Variants in MTMR6 observed in about 807,000 individuals in gnomAD.
The protein encoded by MTMR6 is myotubularin related protein 6, also known as phosphatidylinositol-3,5-bisphosphate 3-phosphatase MTMR6.
A neutral mutation model predicts 80.1 loss-of-function variants in MTMR6; 47 were observed. That is an observed-to-expected ratio of 0.59 (90% CI 0.46 to 0.75). The LOEUF is 0.75. Ranked by LOEUF, MTMR6 falls within the 30% of genes least tolerant of loss-of-function variation. The pLI, the probability that MTMR6 is intolerant of heterozygous loss-of-function variation, is 0.00. For synonymous variants in MTMR6, 254 were observed against 253.0 expected, an observed-to-expected ratio of 1.00 and a Z score of -0.04; for missense variants, 629 against 730.9, an observed-to-expected ratio of 0.86 and a Z score of 1.61.
chr13:25,247,503 T>C lies in MTMR6; in HGVS notation c.*1729A>G, dbSNP rs1957003585. 6.6e-6 allele frequency: 1 copy of C among 152,176 alleles called. No individual in the cohort carries two copies. The highest frequency in any genetic ancestry group is 1.5e-5 in the Non-Finnish European group (1 of 67,980). 9.4% of individuals were successfully genotyped at this position (152,176 alleles called of 1,614,324 possible). On this transcript the variant is annotated 3_prime_UTR_variant, in exon 14 of 14. Coordinates refer to ENST00000381801, the MANE Select transcript of MTMR6 (RefSeq NM_004685.5). ...TGAAGATTAAGATAATAAACCAGAG[T>C]TGAATACAAGAAGTCAGCCACAGAA...
intron 1 of MTMR6, among the ~76,000 whole-genome samples, chr13:25,274,979 C>CACACAT (rs1242991385): frequency 6.9e-6 from 1 of 145,890 alleles, no homozygotes; most frequent in African/African-American, 2.7e-5. Flanking sequence ...CACACACACA[C>CACACAT]ACACACACAC....
intron 1 of MTMR6, among the ~76,000 whole-genome samples, chr13:25,279,851 A>AT (rs1957808334): frequency 6.6e-6 from 1 of 152,044 alleles, no homozygotes; most frequent in Admixed American, 6.5e-5. Flanking sequence ...AAAAAAAACC[A>AT]TATGTTAAGG....
intron 1 of MTMR6, among the ~76,000 whole-genome samples, chr13:25,285,227 C>T (rs1957930812): frequency 6.6e-6 from 1 of 152,096 alleles, no homozygotes; most frequent in Non-Finnish European, 1.5e-5. Context: ...CAAATAAAAA[C>T]AAAGATATAT....
intron 2 of MTMR6, among the ~76,000 whole-genome samples, chr13:25,272,995 C>T (rs746913001): frequency 6.6e-6 from 1 of 151,890 alleles, no homozygotes; most frequent in Non-Finnish European, 1.5e-5. Flanking sequence ...TAGCCCAGAA[C>T]TTTTATAAAA....
chr13:25,257,038 A>T (rs560395092), intron 9 of MTMR6, among the ~76,000 whole-genome samples, 158 bp downstream of exon 9: 1 of 152,314 alleles, frequency 6.6e-6, no homozygotes, highest in South Asian at 2.1e-4. Flanking sequence ...TGTGCATTAT[A>T]AAATGTTTAG....
chr13:25,247,713 A>G lies in MTMR6; in HGVS notation c.*1519T>C, dbSNP rs1247837999. On this transcript the variant is annotated 3_prime_UTR_variant, in exon 14 of 14. Coordinates refer to ENST00000381801, the MANE Select transcript of MTMR6 (RefSeq NM_004685.5). ...GAATATTTTTTAAATTACATAATGT[A>G]TTACAGAAAAGCATTGGAAAAATAA... 2 of 152,174 alleles carry G rather than the reference A, an allele frequency of 1.3e-5. No individual in the cohort carries two copies. The highest frequency in any genetic ancestry group is 2.9e-5 in the Non-Finnish European group (2 of 67,988). 9.4% of individuals were successfully genotyped at this position (152,174 alleles called of 1,614,324 possible). A position where few individuals can be genotyped will look rare whatever the true frequency, so the allele number is the denominator to read the frequency against.
chr13:25,266,365 T>C, intron 3 of MTMR6, 79 bp from the exon 4 acceptor site: 2 of 1,232,592 alleles, frequency 1.6e-6, no homozygotes, highest in South Asian at 3.1e-5. Flanking sequence ...TTTTCAGTTT[T>C]CTTCCTTCAT....
At chr13:25,254,187 T>C (rs993202381) in intron 10 of MTMR6, among the ~76,000 whole-genome samples, 198 bp downstream of exon 10, 1 of 152,120 alleles carries the variant, frequency 6.6e-6, no homozygotes, top group Non-Finnish European at 1.5e-5. Context: ...TAATAAATAG[T>C]CATGAAAATT....
chr13:25,261,956 A>C, intron 5 of MTMR6, 154 bp from the exon 6 acceptor site: 1 of 692,846 alleles, frequency 1.4e-6, no homozygotes, highest in Non-Finnish European at 2.3e-6. Context: ...TACTATTTCA[A>C]TATTTTGACA....
intron 5 of MTMR6, among the ~76,000 whole-genome samples, chr13:25,263,730 A>G (rs962261529): frequency 6.6e-6 from 1 of 152,126 alleles, no homozygotes; most frequent in East Asian, 1.9e-4. Context: ...TACTAAAAAT[A>G]TAAAAATTAG....
At chr13:25,254,216 G>A (rs116994084) in intron 10 of MTMR6, among the ~76,000 whole-genome samples, 169 bp downstream of exon 10, 3,232 of 152,238 alleles carry the variant, frequency 0.021, 45 homozygotes, top group Middle Eastern at 0.034. Flanking sequence ...TACTAGAATT[G>A]AAAGAAATTA....
chr13:25,278,961 T>C (rs1332917732), intron 1 of MTMR6, among the ~76,000 whole-genome samples: 1 of 152,124 alleles, frequency 6.6e-6, no homozygotes, highest in Non-Finnish European at 1.5e-5. Context: ...TTGAAGAACA[T>C]GTAGATAAAT....
intron 2 of MTMR6, 105 bp from the exon 3 acceptor site, chr13:25,268,046 GT>G: frequency 8.9e-7 from 1 of 1,118,112 alleles, no homozygotes; most frequent in Non-Finnish European, 1.2e-6. Flanking sequence ...AGTTGAAAAT[GT>G]TACATACTCA....
intron 1 of MTMR6, among the ~76,000 whole-genome samples, chr13:25,281,691 T>C (rs1002162594): frequency 1.3e-5 from 2 of 152,194 alleles, no homozygotes; most frequent in Non-Finnish European, 2.9e-5. Context: ...TCCTTCCCTA[T>C]AGCCAGGCAC....
intron 3 of MTMR6, among the ~76,000 whole-genome samples, chr13:25,266,986 A>G (rs1044850231): frequency 2.6e-5 from 4 of 152,204 alleles, no homozygotes; most frequent in Non-Finnish European, 5.9e-5. Context: ...TTAGTGGCTC[A>G]TGCCTGCAAT....
chr13:25,284,732 G>T (rs2137646682), intron 1 of MTMR6, among the ~76,000 whole-genome samples: 1 of 152,228 alleles, frequency 6.6e-6, no homozygotes, highest in African/African-American at 2.4e-5. Context: ...CAAAAGTTTG[G>T]CTATGTTCAA....
At position 25,265,814 on chromosome 13, in the gene MTMR6, C is replaced by T. The variant is rs777947312; in HGVS notation, c.591+5G>A. The T allele has an allele frequency of 4.4e-6, 7 of 1,608,574 alleles. No homozygotes were observed. The highest frequency in any genetic ancestry group is 1.1e-5 in the South Asian group (1 of 90,676). The stretch of plus-strand genomic sequence containing the variant: ...ATTTCTAAAATCAAAAGAAAAGCAT[C>T]CTACCTCCTTATCTTGATGATAGTA... On this transcript the variant is annotated splice_donor_5th_base_variant and intron_variant, in intron 5 of 13. Transcript: ENST00000381801.
rs1421839744 is a variant in MTMR6, at chr13:25,248,069, T to A, written c.*1163A>T. The A allele has an allele frequency of 6.6e-6, 1 of 152,130 alleles. No individual in the cohort carries two copies. Among genetic ancestry groups the A allele is most frequent in the Non-Finnish European group, 1.5e-5 (1 of 67,976 alleles). The allele number at this position is 152,130 out of a possible 1,614,324, so 9.4% of individuals were successfully genotyped here. A position where few individuals can be genotyped will look rare whatever the true frequency, so the allele number is the denominator to read the frequency against. On this transcript the variant is annotated 3_prime_UTR_variant, in exon 14 of 14. Transcript: ENST00000381801. ...AAATCTTTCCCAGAGTTTATGTTGC[T>A]TTTGTTAAACAGTAACTTTGTACTA...
chr13:25,254,226 A>G (rs1957145184), intron 10 of MTMR6, among the ~76,000 whole-genome samples, 159 bp downstream of exon 10: 2 of 152,274 alleles, frequency 1.3e-5, no homozygotes, highest in South Asian at 4.1e-4. Context: ...GAAAGAAATT[A>G]CAGAAAAAAA....
Sources: allele counts gnomAD v4.1 joint callset (sites outside exome capture counted in the v4.1 genomes callset), GRCh38; gene constraint gnomAD v4.1.1; transcripts MANE v1.5; gene names NCBI Gene and HGNC (gene_info 2026-07-23, HGNC 2026-07-21).